ASH1L: variants seen among roughly 807,000 people sequenced by gnomAD.
ASH1L encodes the protein ASH1 like histone lysine methyltransferase.
A neutral mutation model predicts 269.0 loss-of-function variants in ASH1L; 23 were observed. That is an observed-to-expected ratio of 0.09 (90% CI 0.06 to 0.12). The LOEUF is 0.12. Ranked by LOEUF, ASH1L falls within the 10% of genes least tolerant of loss-of-function variation. The pLI, the probability that ASH1L is intolerant of heterozygous loss-of-function variation, is 1.00. For missense variants in ASH1L, 2,912 were observed against 3,567.8 expected (o/e 0.82, Z 4.68); for synonymous variants, 1,187 against 1,253.5 (o/e 0.95, Z 1.12).
At chr1:155,414,922 C>A (rs1049738858) in intron 6 of ASH1L, among the ~76,000 whole-genome samples, 1 of 151,994 alleles carries the variant, frequency 6.6e-6, no homozygotes, top group African/African-American at 2.4e-5. Context: ...TTGTACTCTG[C>A]CAAGATAATA....
At chr1:155,338,778 C>T (rs1442562541) in intron 26 of ASH1L, among the ~76,000 whole-genome samples, 1 of 152,098 alleles carries the variant, frequency 6.6e-6, no homozygotes, top group Admixed American at 6.5e-5. Context: ...AATTTTCGTG[C>T]TTCCCTTTTT....
At chr1:155,476,091 C>T (rs957350331) in intron 3 of ASH1L, among the ~76,000 whole-genome samples, 4 of 152,150 alleles carry the variant, frequency 2.6e-5, no homozygotes, top group Admixed American at 1.3e-4. Flanking sequence ...TCTCTCTTTA[C>T]GTTGTTAAAA....
At chr1:155,341,262 T>C (rs571558461) in intron 25 of ASH1L, among the ~76,000 whole-genome samples, 5 of 152,094 alleles carry the variant, frequency 3.3e-5, no homozygotes, top group East Asian at 3.9e-4. Flanking sequence ...CTGCAAGCTC[T>C]GCCTCCTGGG....
At chr1:155,354,797 A>C (rs545409433) in intron 15 of ASH1L, among the ~76,000 whole-genome samples, 167 bp from the exon 16 acceptor site, 8 of 152,338 alleles carry the variant, frequency 5.3e-5, no homozygotes, top group Admixed American at 4.6e-4. Context: ...ATTTTTTTAC[A>C]TTACATAAAA....
chr1:155,421,585 G>A (rs947700272), intron 5 of ASH1L, among the ~76,000 whole-genome samples: 1 of 151,182 alleles, frequency 6.6e-6, no homozygotes, highest in African/African-American at 2.4e-5. Flanking sequence ...GCAGGAGAAT[G>A]GCATGAACCC....
Position 155,429,754 on chromosome 1 carries a change from C to A in ASH1L, c.5828+8573G>T, listed in dbSNP as rs144508986. Among the ~76,000 whole-genome samples the A allele has an allele frequency of 7.9e-5, 12 of 152,172 alleles. No homozygotes were observed. In the East Asian group the frequency reaches 2.1e-3, roughly 27 times the overall value. On this transcript the variant is annotated intron_variant, in intron 5 of 27. Coordinates refer to ENST00000392403, the MANE Select transcript of ASH1L (RefSeq NM_018489.3). ...CTCCTGAATATTTATATGGGTACGA[C>A]CTCTACAGAAAATTTACTTAGCTTA...
At chr1:155,509,462 A>G (rs1268888835) in intron 2 of ASH1L, among the ~76,000 whole-genome samples, 1 of 152,212 alleles carries the variant, frequency 6.6e-6, no homozygotes, top group Non-Finnish European at 1.5e-5. Flanking sequence ...GTGTATGACA[A>G]AGCAGCCTCT....
intron 16 of ASH1L, 92 bp from the exon 17 acceptor site, chr1:155,352,950 T>G: frequency 7.7e-7 from 1 of 1,304,122 alleles, no homozygotes. Flanking sequence ...TTGCTCTATT[T>G]TCCCCTGAAG....
At chr1:155,357,106 CACACACACACACAA>C (rs1654472687) in intron 15 of ASH1L, among the ~76,000 whole-genome samples, 196 bp downstream of exon 15, 1 of 104,492 alleles carries the variant, frequency 9.6e-6, no homozygotes, top group Non-Finnish European at 1.8e-5. Flanking sequence ...CACACACACA[CACACACACACACAA>C]AAGGGTAAGA....
At chr1:155,351,244 CAA>C (rs1216704261) in intron 17 of ASH1L, among the ~76,000 whole-genome samples, 7 of 96,226 alleles carry the variant, frequency 7.3e-5, no homozygotes, top group Non-Finnish European at 8.7e-5. Context: ...GACTCTGTCT[CAA>C]AAAAAAAAAA....
At chr1:155,402,814 G>A (rs1201162147) in intron 6 of ASH1L, among the ~76,000 whole-genome samples, 5 of 150,604 alleles carry the variant, frequency 3.3e-5, no homozygotes, top group Non-Finnish European at 5.9e-5. Context: ...TTGGCCTCCC[G>A]AAGTACTGGG....
At chr1:155,550,812 G>C (rs1476989002) in intron 1 of ASH1L, among the ~76,000 whole-genome samples, 1 of 152,044 alleles carries the variant, frequency 6.6e-6, no homozygotes, top group Non-Finnish European at 1.5e-5. Context: ...TGTATACTCT[G>C]GGCTTAATAC....
chr1:155,419,418 A>G (rs1660490027), intron 5 of ASH1L: 1 of 152,142 alleles, frequency 6.6e-6, no homozygotes, highest in South Asian at 2.1e-4. Context: ...AGCAGCACAT[A>G]TACTAAAATT....
intron 6 of ASH1L, among the ~76,000 whole-genome samples, chr1:155,412,397 G>A (rs1481300163): frequency 6.6e-6 from 1 of 151,990 alleles, no homozygotes; most frequent in Non-Finnish European, 1.5e-5. Context: ...TGACAAGAGC[G>A]AAACCCCATC....
At chr1:155,551,415 C>T (rs955411259) in intron 1 of ASH1L, among the ~76,000 whole-genome samples, 1 of 151,890 alleles carries the variant, frequency 6.6e-6, no homozygotes, top group Non-Finnish European at 1.5e-5. Context: ...AATCCCAGCA[C>T]TTTGGGAGGC....
chr1:155,458,574 G>A (rs1026863125), intron 4 of ASH1L, among the ~76,000 whole-genome samples: 7 of 152,094 alleles, frequency 4.6e-5, no homozygotes, highest in South Asian at 2.1e-4. Flanking sequence ...AATATTAGCC[G>A]GGTATCATGG....
chr1:155,545,823 C>T (rs1471002146), intron 1 of ASH1L, among the ~76,000 whole-genome samples: 1 of 151,836 alleles, frequency 6.6e-6, no homozygotes, highest in African/African-American at 2.4e-5. Context: ...GAGTTTGAGA[C>T]CAGCCTGGCC....
At chr1:155,554,137 T>A (rs1316141695) in intron 1 of ASH1L, among the ~76,000 whole-genome samples, 1 of 150,274 alleles carries the variant, frequency 6.7e-6, no homozygotes, top group East Asian at 2.0e-4. Context: ...CAGGCTGGAG[T>A]AGAGTGGTGC....
chr1:155,519,029 T>C (rs1292775491), intron 2 of ASH1L, among the ~76,000 whole-genome samples: 1 of 152,012 alleles, frequency 6.6e-6, no homozygotes, highest in African/African-American at 2.4e-5. Flanking sequence ...ACCCAAAAAT[T>C]CAAAGCAGGA....
Sources: allele counts gnomAD v4.1 joint callset (sites outside exome capture counted in the v4.1 genomes callset), GRCh38; gene constraint gnomAD v4.1.1; transcripts MANE v1.5; gene names NCBI Gene and HGNC (gene_info 2026-07-23, HGNC 2026-07-21).